Variants in ZBTB41 observed in about 807,000 individuals in gnomAD.
ZBTB41 encodes the protein zinc finger and BTB domain containing 41.
ZBTB41 carries 42 observed loss-of-function variants against 87.6 expected under a neutral mutation model. The observed-to-expected ratio is 0.48, with a 90% CI of 0.37 to 0.62. The LOEUF is 0.62. Among genes scored for constraint, ZBTB41 ranks in the 20% least tolerant of loss-of-function variants. The pLI, the probability that ZBTB41 is intolerant of heterozygous loss-of-function variation, is 0.00. For synonymous variants in ZBTB41, 364 were observed against 364.0 expected, an observed-to-expected ratio of 1.00 and a Z score of 0.00; for missense variants, 799 against 1,078.9, an observed-to-expected ratio of 0.74 and a Z score of 3.63.
intron 4 of ZBTB41, among the ~76,000 whole-genome samples, chr1:197,190,112 G>A (rs536159851): frequency 6.6e-6 from 1 of 152,138 alleles, no homozygotes; most frequent in South Asian, 2.1e-4. Flanking sequence ...GTAGAGATGG[G>A]GTTTTGCCAT....
chr1:197,195,776 G>C (rs1285747490), intron 2 of ZBTB41, among the ~76,000 whole-genome samples: 1 of 152,082 alleles, frequency 6.6e-6, no homozygotes, highest in Non-Finnish European at 1.5e-5. Flanking sequence ...TTGGTATAAG[G>C]GGAAAGGTCA....
intron 6 of ZBTB41, among the ~76,000 whole-genome samples, chr1:197,180,047 T>TC (rs1241523227): frequency 1.3e-5 from 2 of 152,084 alleles, no homozygotes; most frequent in Non-Finnish European, 2.9e-5. Flanking sequence ...ACTCACTGAC[T>TC]CCCCTAGAGA....
At chr1:197,168,274 C>A (rs1466440582) in intron 10 of ZBTB41, among the ~76,000 whole-genome samples, 3 of 151,948 alleles carry the variant, frequency 2.0e-5, no homozygotes, top group Non-Finnish European at 2.9e-5. Flanking sequence ...GAGGTGTTCA[C>A]AGACTGGATA....
At chr1:197,194,072 G>A (rs1424189835) in intron 2 of ZBTB41, among the ~76,000 whole-genome samples, 1 of 151,908 alleles carries the variant, frequency 6.6e-6, no homozygotes, top group Non-Finnish European at 1.5e-5. Context: ...AGGCTGGAGT[G>A]CACTGGCGCG....
chr1:197,188,400 C>T lies in ZBTB41; in HGVS notation c.1438G>A (p.Glu480Lys). The T allele has an allele frequency of 2.5e-6, 4 of 1,612,346 alleles. No individual in the cohort carries two copies. Among genetic ancestry groups the T allele is most frequent in the Non-Finnish European group, 3.4e-6 (4 of 1,179,452 alleles). ...TCTTGAGAATGTAGAATCATATGTT[C>T]CTCCAAGTGTGGTCTTCGAGTAAAA... ...KSFTRRPHLE[E>K]HMILHSQDKP... is the part of the protein sequence containing the mutation. The change falls in exon 5 of 11, where the codon GAA becomes AAA. Residue 480 changes from glutamate (E) to lysine (K), a missense_variant. Glu to Lys is a moderately conservative substitution (Grantham distance 56). Around this residue, in one of 5 missense-constraint regions of ZBTB41, gnomAD observed 198 missense variants for 358.4 expected, o/e 0.55. Transcript: ENST00000367405.
At chr1:197,172,128 T>C (rs1188896938) in intron 10 of ZBTB41, 32 bp downstream of exon 10, 2 of 891,468 alleles carry the variant, frequency 2.2e-6, no homozygotes, top group Non-Finnish European at 3.2e-6. Flanking sequence ...TCTCTATATA[T>C]ATATATCTAT....
At position 197,157,437 on chromosome 1, in the gene ZBTB41, TTATAA is replaced by T. The variant is rs1437602379; in HGVS notation, c.*1917_*1921del. The T allele has an allele frequency of 6.6e-6, 1 of 151,654 alleles. No homozygotes were observed. Among genetic ancestry groups the T allele is most frequent in the Admixed American group, 6.6e-5 (1 of 15,200 alleles). The allele number at this position is 151,654 out of a possible 1,614,324, so 9.4% of individuals were successfully genotyped here. A position where few individuals can be genotyped will look rare whatever the true frequency, so the allele number is the denominator to read the frequency against. ...TCTTTCATTATAGTAAGATTTTTAG[TTATAA>T]TATTGCCAGTCTTTATGATGAAAAT... On this transcript the variant is annotated 3_prime_UTR_variant, in exon 11 of 11. Transcript: ENST00000367405.
intron 10 of ZBTB41, among the ~76,000 whole-genome samples, chr1:197,164,232 T>C (rs1659264043): frequency 6.6e-6 from 1 of 152,036 alleles, no homozygotes; most frequent in Non-Finnish European, 1.5e-5. Flanking sequence ...AATTTCAGAA[T>C]GCACATTGTT....
At chr1:197,179,457 CTA>C (rs1659690375) in intron 6 of ZBTB41, among the ~76,000 whole-genome samples, 1 of 151,978 alleles carries the variant, frequency 6.6e-6, no homozygotes, top group Non-Finnish European at 1.5e-5. Flanking sequence ...TGATAAGCGA[CTA>C]TGTTACTGGT....
chr1:197,157,311 A>G lies in ZBTB41; in HGVS notation c.*2048T>C, dbSNP rs1334024285. The G allele has an allele frequency of 6.6e-6, 1 of 151,946 alleles. No homozygotes were observed. Among genetic ancestry groups the G allele is most frequent in the Non-Finnish European group, 1.5e-5 (1 of 67,692 alleles). 9.4% of individuals were successfully genotyped at this position (151,946 alleles called of 1,614,324 possible). ...ACCAAATGTATAATATACCATATAC[A>G]TACATGTATATAAATATATATATAC... is the stretch of plus-strand genomic sequence containing the variant. On this transcript the variant is annotated 3_prime_UTR_variant, in exon 11 of 11. Coordinates refer to ENST00000367405, the MANE Select transcript of ZBTB41 (RefSeq NM_194314.3).
intron 10 of ZBTB41, among the ~76,000 whole-genome samples, chr1:197,170,228 AATAT>A (rs1033139329): frequency 6.7e-6 from 1 of 148,854 alleles, no homozygotes; most frequent in African/African-American, 2.4e-5. Flanking sequence ...AAAATTTAGC[AATAT>A]ATATATAATG....
At chr1:197,193,535 A>G (rs1660085096) in intron 2 of ZBTB41, among the ~76,000 whole-genome samples, 1 of 152,250 alleles carries the variant, frequency 6.6e-6, no homozygotes, top group Admixed American at 6.5e-5. Flanking sequence ...TGATTTATGA[A>G]TATCTGTTAT....
At chr1:197,173,836 TG>T (rs1659533600) in intron 9 of ZBTB41, among the ~76,000 whole-genome samples, 13 of 152,098 alleles carry the variant, frequency 8.5e-5, no homozygotes, top group Admixed American at 8.5e-4. Flanking sequence ...GGGGCAATTT[TG>T]CCCCCCATAA....
chr1:197,176,678 GA>G lies in ZBTB41; in HGVS notation c.1773-9del. The G allele has an allele frequency of 6.3e-7, 1 of 1,588,950 alleles. No homozygotes were observed. The highest frequency in any genetic ancestry group is 8.6e-7 in the Non-Finnish European group (1 of 1,160,988). Reference sequence around the variant, plus strand: ...TGTACTCGTAAGTGAAGTCTATAAAGAAAAAAGAATTGAACACCATTAAAAC... The same window carrying G: ...TGTACTCGTAAGTGAAGTCTATAAAGAAAAAGAATTGAACACCATTAAAAC... On this transcript the variant is annotated splice_polypyrimidine_tract_variant and intron_variant, in intron 7 of 10. Transcript: ENST00000367405.
chr1:197,193,962 AC>A (rs1660094580), intron 2 of ZBTB41, among the ~76,000 whole-genome samples: 1 of 152,164 alleles, frequency 6.6e-6, no homozygotes, highest in Admixed American at 6.5e-5. Context: ...CATGTTTAGC[AC>A]AGATTCTCAA....
intron 5 of ZBTB41, among the ~76,000 whole-genome samples, chr1:197,181,403 A>C (rs1659745005): frequency 6.6e-6 from 1 of 152,178 alleles, no homozygotes; most frequent in African/African-American, 2.4e-5. Flanking sequence ...CAAAGTAGAA[A>C]TGGCTGCATA....
rs560634528 is a variant in ZBTB41, at chr1:197,178,491, C to T, written c.1698G>A (p.Leu566=). 107 of 1,606,022 alleles carry T rather than the reference C, an allele frequency of 6.7e-5. No homozygotes were observed. The highest frequency in any genetic ancestry group is 8.5e-5 in the Non-Finnish European group (100 of 1,176,310). ...VRERTTLKEH[L]RIHSGEKPHL... is the part of the protein sequence containing the mutation. ...GAGGCTTTTCTCCACTGTGGATTCT[C>T]AAATGTTCTTTCAAAGTAGTTCTGC... is the stretch of plus-strand genomic sequence containing the variant. The change falls in exon 7 of 11, where the codon TTG becomes TTA. Residue 566 remains leucine, a synonymous_variant. Transcript: ENST00000367405.
intron 5 of ZBTB41, among the ~76,000 whole-genome samples, chr1:197,184,814 T>TTATTTATTTATA (rs1158218793): frequency 1.3e-5 from 2 of 151,426 alleles, no homozygotes; most frequent in Admixed American, 1.3e-4. Context: ...ATTTATTTAT[T>TTATTTATTTATA]TATTTATTTA....
At chr1:197,169,458 A>G (rs1333037390) in intron 10 of ZBTB41, among the ~76,000 whole-genome samples, 2 of 152,204 alleles carry the variant, frequency 1.3e-5, no homozygotes, top group Non-Finnish European at 2.9e-5. Flanking sequence ...AAAAAAGATT[A>G]CATACTACAT....
Sources: allele counts gnomAD v4.1 joint callset (sites outside exome capture counted in the v4.1 genomes callset), GRCh38; gene constraint gnomAD v4.1.1; regional missense constraint gnomAD v4.1.1; transcripts MANE v1.5; gene names NCBI Gene and HGNC (gene_info 2026-07-23, HGNC 2026-07-21).